Variants in SUGCT observed in about 807,000 individuals in gnomAD.
SUGCT encodes the protein succinyl-CoA:glutarate-CoA transferase.
SUGCT carries 41 observed loss-of-function variants against 55.0 expected under a neutral mutation model. The observed-to-expected ratio is 0.74, with a 90% CI of 0.58 to 0.97. SUGCT has a LOEUF of 0.97. Among genes scored for constraint, SUGCT ranks in the 50% least tolerant of loss-of-function variants. The pLI is 0.00. For missense variants in SUGCT, 568 were observed against 547.8 expected (o/e 1.04, Z -0.37); for synonymous variants, 187 against 200.4 (o/e 0.93, Z 0.56).
At chr7:40,432,806 T>G (rs1005208002) in intron 9 of SUGCT, among the ~76,000 whole-genome samples, 1 of 152,124 alleles carries the variant, frequency 6.6e-6, no homozygotes, top group Admixed American at 6.5e-5. Context: ...TTCATGAGTT[T>G]TGGGCTTCTT....
chr7:40,854,395 TTTTCTTTCTTTCTTTCTTTCTTTCC>T lies in SUGCT; in HGVS notation c.1154-5896_1154-5872del, dbSNP rs1288230527. On this transcript the variant is annotated intron_variant, in intron 13 of 13. Coordinates refer to ENST00000335693, the MANE Select transcript of SUGCT (RefSeq NM_001193313.2). ...AGGTCCTTATTGTGTATCAAAATTT[TTTTCTTTCTTTCTTTCTTTCTTTCC>T]TTTCTTTCTTTCTTTCTTTCTTTCT... Among the ~76,000 whole-genome samples the T allele has an allele frequency of 5.4e-3, 677 of 124,330 alleles. 7 individuals are homozygous for T. Among genetic ancestry groups the T allele is most frequent in the Middle Eastern group, 0.03 (7 of 234 alleles). 81.6% of individuals were successfully genotyped at this position (124,330 alleles called of 152,430 possible).
At chr7:40,627,270 G>A (rs570572290) in intron 12 of SUGCT, among the ~76,000 whole-genome samples, 9 of 152,330 alleles carry the variant, frequency 5.9e-5, no homozygotes, top group African/African-American at 2.2e-4. Flanking sequence ...CACAGTGTGG[G>A]AGTGGTCCTG....
chr7:40,415,593 A>T (rs576374522), intron 9 of SUGCT, among the ~76,000 whole-genome samples: 11 of 151,992 alleles, frequency 7.2e-5, no homozygotes, highest in African/African-American at 2.6e-4. Flanking sequence ...TTGAGTAAAA[A>T]GTCTCCCCCA....
intron 12 of SUGCT, among the ~76,000 whole-genome samples, chr7:40,544,570 C>G (rs77089669): frequency 6.6e-6 from 1 of 151,626 alleles, no homozygotes; most frequent in East Asian, 1.9e-4. Flanking sequence ...AATACTCTAT[C>G]GCTTGTGTAA....
chr7:40,619,710 CA>C (rs1799176152), intron 12 of SUGCT, among the ~76,000 whole-genome samples: 1 of 152,146 alleles, frequency 6.6e-6, no homozygotes, highest in Non-Finnish European at 1.5e-5. Flanking sequence ...TCTTTTATCT[CA>C]AAGTTTTTTC....
At chr7:40,686,638 AT>A (rs1584273206) in intron 12 of SUGCT, among the ~76,000 whole-genome samples, 1 of 152,102 alleles carries the variant, frequency 6.6e-6, no homozygotes, top group East Asian at 1.9e-4. Context: ...AAATATCAGC[AT>A]CTACACATCC....
chr7:41,000,730 G>A, the SUGCT span, among the ~76,000 whole-genome samples: 135 of 152,278 alleles, frequency 8.9e-4, no homozygotes, highest in African/African-American at 3.2e-3. Flanking sequence ...TTGTAGATGT[G>A]TTGGAAGAAA....
chr7:40,942,975 A>G, the SUGCT span, among the ~76,000 whole-genome samples: 3 of 151,920 alleles, frequency 2.0e-5, no homozygotes, highest in African/African-American at 7.2e-5. Context: ...AATTTTTTTT[A>G]CATTTCTTTA....
Position 40,395,489 on chromosome 7 carries a change from C to CAAA in SUGCT, c.817-53775_817-53773dup, listed in dbSNP as rs36068766. Among the ~76,000 whole-genome samples, 41 of 46,078 alleles carry CAAA rather than the reference C, an allele frequency of 8.9e-4. 1 individual carries two copies. The highest frequency in any genetic ancestry group is 0.019 in the Middle Eastern group (1 of 54). The allele number at this position is 46,078 out of a possible 152,430, so 30.2% of individuals were successfully genotyped here. ...GGGCTACAAGAGAGAAACTCTGTCT[C>CAAA]AAAAAAAAAAAAAAAAAAAAAAAAA... On this transcript the variant is annotated intron_variant, in intron 9 of 13. Coordinates refer to ENST00000335693, the MANE Select transcript of SUGCT (RefSeq NM_001193313.2).
At chr7:40,340,342 T>G (rs1178936309) in intron 9 of SUGCT, among the ~76,000 whole-genome samples, 3 of 152,036 alleles carry the variant, frequency 2.0e-5, no homozygotes, top group Admixed American at 2.0e-4. Flanking sequence ...TCAATTTCAC[T>G]TAACCTTCTA....
At chr7:40,982,980 C>T in the SUGCT span, among the ~76,000 whole-genome samples, 3 of 152,180 alleles carry the variant, frequency 2.0e-5, no homozygotes, top group Admixed American at 2.0e-4. Flanking sequence ...AAGCCCAGAG[C>T]TCTGCACTTT....
At chr7:40,914,099 A>G in the SUGCT span, among the ~76,000 whole-genome samples, 1 of 151,182 alleles carries the variant, frequency 6.6e-6, no homozygotes, top group African/African-American at 2.4e-5. Flanking sequence ...TAGCTCAGAC[A>G]ACACCACTTC....
intron 12 of SUGCT, among the ~76,000 whole-genome samples, chr7:40,680,094 CAGA>C (rs1374155053): frequency 1.3e-5 from 2 of 152,146 alleles, no homozygotes; most frequent in African/African-American, 4.8e-5. Context: ...TTAATCTTCA[CAGA>C]AGGTTTATTT....
downstream of SUGCT, among the ~76,000 whole-genome samples, chr7:40,865,614 G>A (rs1333743479): frequency 1.3e-5 from 2 of 152,170 alleles, no homozygotes; most frequent in Admixed American, 6.5e-5. Flanking sequence ...CGCTGGAGCC[G>A]AACAGCTTGG....
intron 13 of SUGCT, among the ~76,000 whole-genome samples, chr7:40,763,234 C>A (rs972918082): frequency 2.6e-5 from 4 of 152,116 alleles, no homozygotes; most frequent in Non-Finnish European, 5.9e-5. Flanking sequence ...ACTTAGTGAG[C>A]CTGAATATGA....
intron 12 of SUGCT, among the ~76,000 whole-genome samples, chr7:40,646,594 C>T (rs1041761611): frequency 1.1e-4 from 16 of 152,104 alleles, no homozygotes; most frequent in African/African-American, 3.6e-4. Context: ...AGGACCTTCA[C>T]GCAGCAGAAT....
intron 11 of SUGCT, among the ~76,000 whole-genome samples, chr7:40,489,254 T>G (rs1180073356): frequency 2.0e-5 from 3 of 151,996 alleles, no homozygotes; most frequent in Non-Finnish European, 4.4e-5. Flanking sequence ...GCAGTTTTTT[T>G]TTTTTGGGGT....
the SUGCT span, among the ~76,000 whole-genome samples, chr7:40,997,786 T>C: frequency 2.0e-5 from 3 of 152,176 alleles, no homozygotes; most frequent in Admixed American, 2.0e-4. Flanking sequence ...TGGAACACAA[T>C]AGGTATTCAA....
At chr7:40,247,407 C>T (rs116089974) in intron 7 of SUGCT, among the ~76,000 whole-genome samples, 2,592 of 152,194 alleles carry the variant, frequency 0.017, 61 homozygotes, top group African/African-American at 0.06. Flanking sequence ...AGGCACCCAC[C>T]ACCATGACCG....
Sources: allele counts gnomAD v4.1 joint callset (sites outside exome capture counted in the v4.1 genomes callset), GRCh38; gene constraint gnomAD v4.1.1; transcripts MANE v1.5; gene names NCBI Gene and HGNC (gene_info 2026-07-23, HGNC 2026-07-21).